Variants in PRKG1 observed in about 807,000 individuals in gnomAD.
PRKG1 encodes the protein protein kinase cGMP-dependent 1.
PRKG1 carries 35 observed loss-of-function variants against 88.1 expected under a neutral mutation model. That is an observed-to-expected ratio of 0.40 (90% CI 0.30 to 0.53). The LOEUF is 0.53. Ranked by LOEUF, PRKG1 falls within the 20% of genes least tolerant of loss-of-function variation. The probability of loss-of-function intolerance (pLI) is 0.59; values close to 1 mark genes in which losing one functional copy is unlikely to be tolerated. For missense variants in PRKG1, 540 were observed against 839.8 expected, an observed-to-expected ratio of 0.64 and a Z score of 4.41; for synonymous variants, 303 against 292.5, an observed-to-expected ratio of 1.04 and a Z score of -0.37.
intron 3 of PRKG1, among the ~76,000 whole-genome samples, chr10:51,743,672 TTATA>T (rs1177164567): frequency 8.1e-6 from 1 of 123,970 alleles, no homozygotes; most frequent in Non-Finnish European, 1.7e-5. Context: ...ATATATATAT[TTATA>T]TATATATAAT....
At chr10:52,161,553 T>A (rs1838275939) in intron 8 of PRKG1, among the ~76,000 whole-genome samples, 1 of 152,110 alleles carries the variant, frequency 6.6e-6, no homozygotes, top group Non-Finnish European at 1.5e-5. Flanking sequence ...AGTATTTTAA[T>A]TGACTGATTA....
chr10:51,452,176 A>G (rs1839456347), intron 2 of PRKG1, among the ~76,000 whole-genome samples: 1 of 151,906 alleles, frequency 6.6e-6, no homozygotes, highest in South Asian at 2.1e-4. Context: ...TCATTACCCT[A>G]AAAAGAAATT....
chr10:51,310,958 T>C (rs1841169504), intron 2 of PRKG1, among the ~76,000 whole-genome samples: 1 of 152,120 alleles, frequency 6.6e-6, no homozygotes, highest in Admixed American at 6.6e-5. Flanking sequence ...CCCTGAGGTA[T>C]AGGTGTTAGG....
chr10:51,543,477 C>T (rs1476643841), intron 3 of PRKG1, among the ~76,000 whole-genome samples: 5 of 152,136 alleles, frequency 3.3e-5, no homozygotes, highest in Non-Finnish European at 5.9e-5. Flanking sequence ...ATGCAGGTAA[C>T]CCTATGAGTA....
At chr10:52,188,225 CATATGTATATATATACATATAT>C (rs1564508905) in intron 9 of PRKG1, among the ~76,000 whole-genome samples, 3 of 20,964 alleles carry the variant, frequency 1.4e-4, no homozygotes, top group East Asian at 1.0e-3. Context: ...TATATATATA[CATATGTATATATATACATATAT>C]ATGTGTATAT....
intron 2 of PRKG1, among the ~76,000 whole-genome samples, chr10:51,342,313 A>T (rs564428654): frequency 6.2e-4 from 94 of 152,292 alleles, no homozygotes; most frequent in South Asian, 1.9e-3. Flanking sequence ...TCATTTTAAG[A>T]TTAGGAAAAT....
chr10:52,293,708 C>G, intron 17 of PRKG1, 94 bp from the exon 18 acceptor site: 2 of 959,120 alleles, frequency 2.1e-6, no homozygotes, highest in Non-Finnish European at 3.3e-6. Flanking sequence ...GAAATAGTCA[C>G]TAATAGGGAA....
chr10:52,039,371 C>G (rs1845699857), intron 5 of PRKG1, among the ~76,000 whole-genome samples: 1 of 152,056 alleles, frequency 6.6e-6, no homozygotes, highest in African/African-American at 2.4e-5. Context: ...AAAGGACTTT[C>G]ACAAGGTAAT....
intron 9 of PRKG1, among the ~76,000 whole-genome samples, chr10:52,216,744 T>A (rs1161535919): frequency 6.6e-6 from 1 of 152,202 alleles, no homozygotes; most frequent in African/African-American, 2.4e-5. Context: ...TTTTTTAAGA[T>A]CAGTTTGTTA....
chr10:51,381,044 GT>G (rs907838494), intron 2 of PRKG1, among the ~76,000 whole-genome samples: 1 of 151,716 alleles, frequency 6.6e-6, no homozygotes, highest in African/African-American at 2.4e-5. Context: ...GTAAATGTGT[GT>G]TTTTTCAGAA....
chr10:51,968,123 T>C (rs969191947), intron 5 of PRKG1, among the ~76,000 whole-genome samples: 16 of 152,192 alleles, frequency 1.1e-4, no homozygotes, highest in African/African-American at 3.1e-4. Flanking sequence ...ATGGAAGCCA[T>C]GGATCAGCCT....
chr10:51,833,736 A>T (rs906846082), intron 4 of PRKG1, among the ~76,000 whole-genome samples: 1 of 152,166 alleles, frequency 6.6e-6, no homozygotes, highest in Admixed American at 6.5e-5. Context: ...ATTCTGTAAC[A>T]TATAATACAT....
At chr10:51,078,101 A>G (rs1413514559) in intron 1 of PRKG1, among the ~76,000 whole-genome samples, 1 of 152,322 alleles carries the variant, frequency 6.6e-6, no homozygotes, top group South Asian at 2.1e-4. Flanking sequence ...TTCATGTCAC[A>G]GGGTTTCAGT....
chr10:51,308,040 A>G (rs1218719718), intron 2 of PRKG1, among the ~76,000 whole-genome samples: 1 of 152,182 alleles, frequency 6.6e-6, no homozygotes, highest in African/African-American at 2.4e-5. Context: ...CAAATAAGAA[A>G]ATGAAACAAT....
intron 7 of PRKG1, among the ~76,000 whole-genome samples, chr10:52,094,234 T>C (rs566157563): frequency 2.0e-5 from 3 of 152,310 alleles, no homozygotes; most frequent in East Asian, 3.9e-4. Context: ...TTCACCTAGA[T>C]CTGTATAAAA....
intron 1 of PRKG1, among the ~76,000 whole-genome samples, chr10:51,023,415 A>G (rs1843164938): frequency 6.6e-6 from 1 of 152,230 alleles, no homozygotes; most frequent in Non-Finnish European, 1.5e-5. Flanking sequence ...CCCTTTTCAC[A>G]GTGAACTGTC....
intron 3 of PRKG1, among the ~76,000 whole-genome samples, chr10:51,612,566 G>T (rs1272171307): frequency 1.3e-5 from 2 of 151,908 alleles, no homozygotes; most frequent in South Asian, 2.1e-4. Flanking sequence ...TGTGTCATTT[G>T]TAAAGAGGGA....
intron 2 of PRKG1, among the ~76,000 whole-genome samples, chr10:51,370,739 T>A (rs1842688397): frequency 6.6e-6 from 1 of 152,142 alleles, no homozygotes; most frequent in African/African-American, 2.4e-5. Context: ...TCCAAAATAT[T>A]ATGTCAATGT....
In PRKG1 at chr10:52,295,898, A is replaced by T. The variant is rs1842371587; in HGVS notation, c.*1998A>T. 6.6e-6 allele frequency: 1 copy of T among 151,938 alleles called. No homozygotes were observed. The highest frequency in any genetic ancestry group is 1.5e-5 in the Non-Finnish European group (1 of 67,894). The allele number at this position is 151,938 out of a possible 1,614,324, so 9.4% of individuals were successfully genotyped here. A position where few individuals can be genotyped will look rare whatever the true frequency, so the allele number is the denominator to read the frequency against. ...AATATTGTTATTCTTGTATTTTTGG[A>T]GTTTTCCGTCCCTTACAATTTCTCC... On this transcript the variant is annotated 3_prime_UTR_variant, in exon 18 of 18. Transcript: ENST00000373980.
Sources: gnomAD v4.1 joint callset for allele counts (sites outside exome capture counted in the v4.1 genomes callset) on GRCh38, gnomAD v4.1.1 for gene constraint, MANE v1.5 for transcripts, NCBI Gene and HGNC (gene_info 2026-07-23, HGNC 2026-07-21) for gene names.